The following HDAC9 variants were observed in gnomAD, a reference collection of about 807,000 sequenced individuals.
The protein encoded by HDAC9 is MEF-2 interacting transcription repressor (MITR) protein.
A neutral mutation model predicts 139.4 loss-of-function variants in HDAC9; 41 were observed. That is an observed-to-expected ratio of 0.29 (90% CI 0.23 to 0.38). HDAC9 has a LOEUF of 0.38. Among genes scored for constraint, HDAC9 ranks in the 10% least tolerant of loss-of-function variants. HDAC9 has a pLI of 1.00. For missense variants in HDAC9, 1,147 were observed against 1,297.0 expected (o/e 0.88, Z 1.78); for synonymous variants, 517 against 476.2 (o/e 1.09, Z -1.12).
At chr7:18,440,828 C>G (rs80166342) in intron 1 of HDAC9, among the ~76,000 whole-genome samples, 5,053 of 152,276 alleles carry the variant, frequency 0.033, 105 homozygotes, top group African/African-American at 0.062. Flanking sequence ...ATTTCTCTTT[C>G]TTAGTGCAGC....
intron 1 of HDAC9, among the ~76,000 whole-genome samples, chr7:18,449,723 T>C (rs1792639189): frequency 6.6e-6 from 1 of 152,190 alleles, no homozygotes; most frequent in Non-Finnish European, 1.5e-5. Context: ...TAAATATTAC[T>C]GAAAATTTTA....
chr7:18,722,692 A>C (rs1451627335), intron 12 of HDAC9, among the ~76,000 whole-genome samples: 1 of 152,190 alleles, frequency 6.6e-6, no homozygotes, highest in South Asian at 2.1e-4. Context: ...ATTAATATGC[A>C]GTATAATAAC....
intron 6 of HDAC9, among the ~76,000 whole-genome samples, chr7:18,596,477 G>A (rs1473524601): frequency 1.3e-5 from 2 of 152,046 alleles, no homozygotes; most frequent in Non-Finnish European, 2.9e-5. Context: ...GAATAACACT[G>A]AAATGTTGTC....
chr7:18,208,710 T>C (rs994425435), intron 2 of HDAC9, among the ~76,000 whole-genome samples: 5 of 152,054 alleles, frequency 3.3e-5, no homozygotes, highest in East Asian at 3.9e-4. Context: ...AAAGTTATCA[T>C]TGATAAGATA....
chr7:18,415,918 A>T (rs535977834), intron 1 of HDAC9, among the ~76,000 whole-genome samples: 1 of 152,176 alleles, frequency 6.6e-6, no homozygotes, highest in Non-Finnish European at 1.5e-5. Flanking sequence ...TCATCTATGC[A>T]TTTTTTTGTG....
At chr7:18,547,504 G>A (rs990622345) in intron 2 of HDAC9, among the ~76,000 whole-genome samples, 13 of 152,116 alleles carry the variant, frequency 8.5e-5, no homozygotes, top group African/African-American at 2.9e-4. Context: ...CAAAGTGCTG[G>A]GATTACAGGC....
At chr7:18,783,991 C>A (rs1791472944) in intron 16 of HDAC9, among the ~76,000 whole-genome samples, 1 of 151,990 alleles carries the variant, frequency 6.6e-6, no homozygotes, top group Non-Finnish European at 1.5e-5. Context: ...AACCAGAGAA[C>A]CTGTCCCTCA....
At chr7:18,990,837 C>A (rs1437228098) in intron 25 of HDAC9, among the ~76,000 whole-genome samples, 1 of 152,330 alleles carries the variant, frequency 6.6e-6, no homozygotes, top group East Asian at 1.9e-4. Context: ...ACCCCTTTGA[C>A]TAGGAAAGAG....
intron 1 of HDAC9, among the ~76,000 whole-genome samples, chr7:18,159,386 G>A (rs1787456959): frequency 6.6e-6 from 1 of 152,158 alleles, no homozygotes; most frequent in South Asian, 2.1e-4. Context: ...AGCCCATTTG[G>A]ATAAAGAAGT....
At chr7:18,330,454 A>C (rs1800832767) in intron 1 of HDAC9, among the ~76,000 whole-genome samples, 1 of 151,684 alleles carries the variant, frequency 6.6e-6, no homozygotes, top group Admixed American at 6.6e-5. Context: ...ATTTTGTCAC[A>C]GTCCCCCAAA....
intron 2 of HDAC9, among the ~76,000 whole-genome samples, chr7:18,545,802 A>T (rs1814602416): frequency 6.6e-6 from 1 of 152,174 alleles, no homozygotes; most frequent in East Asian, 1.9e-4. Context: ...ATTATATGTT[A>T]AGTGGCAAAA....
At chr7:18,896,783 CCTGG>C (rs1801240537) in intron 22 of HDAC9, among the ~76,000 whole-genome samples, 1 of 152,020 alleles carries the variant, frequency 6.6e-6, no homozygotes, top group Non-Finnish European at 1.5e-5. Flanking sequence ...CTCCTGTGGA[CCTGG>C]CTTGTTAGAG....
intron 16 of HDAC9, among the ~76,000 whole-genome samples, chr7:18,774,351 T>C (rs879424512): frequency 1.3e-5 from 2 of 152,056 alleles, no homozygotes; most frequent in Non-Finnish European, 2.9e-5. Context: ...CTAAATATTA[T>C]GATTTATATA....
At chr7:18,935,756 G>A in intron 22 of HDAC9, 53 bp from the exon 23 acceptor site, 1 of 1,531,982 alleles carries the variant, frequency 6.5e-7, no homozygotes, top group Non-Finnish European at 9.0e-7. Flanking sequence ...AGATTCTAGT[G>A]ATCACTTTCT....
At chr7:18,586,837 A>G (rs965990611) in intron 3 of HDAC9, among the ~76,000 whole-genome samples, 5 of 152,146 alleles carry the variant, frequency 3.3e-5, no homozygotes, top group Non-Finnish European at 5.9e-5. Flanking sequence ...TCATGGCTAC[A>G]TTTTGAAGTA....
At chr7:18,750,880 A>AT (rs1788384031) in intron 14 of HDAC9, among the ~76,000 whole-genome samples, 2 of 152,156 alleles carry the variant, frequency 1.3e-5, no homozygotes, top group African/African-American at 2.4e-5. Context: ...TGCTGCTTAC[A>AT]TTTTTTCACA....
At chr7:18,562,162 C>T (rs1160811867) in intron 2 of HDAC9, among the ~76,000 whole-genome samples, 1 of 151,118 alleles carries the variant, frequency 6.6e-6, no homozygotes, top group Non-Finnish European at 1.5e-5. Context: ...AGTTCTTTGT[C>T]TGTTTTTTAA....
intron 11 of HDAC9, among the ~76,000 whole-genome samples, chr7:18,651,692 A>G (rs1313408117): frequency 1.3e-5 from 2 of 152,124 alleles, no homozygotes; most frequent in South Asian, 2.1e-4. Flanking sequence ...GTGTAACTAC[A>G]TAATGTAACT....
At chr7:18,210,966 G>A (rs1046734542) in intron 2 of HDAC9, among the ~76,000 whole-genome samples, 1 of 152,140 alleles carries the variant, frequency 6.6e-6, no homozygotes, top group Non-Finnish European at 1.5e-5. Flanking sequence ...GTACAGGACG[G>A]CCTTTCCTTT....
Sources: allele counts gnomAD v4.1 joint callset (sites outside exome capture counted in the v4.1 genomes callset), GRCh38; gene constraint gnomAD v4.1.1; transcripts MANE v1.5; gene names NCBI Gene and HGNC (gene_info 2026-07-23, HGNC 2026-07-21).